The following SLC35F3 variants were observed in gnomAD, a reference collection of about 807,000 sequenced individuals.
SLC35F3 encodes the protein putative thiamine transporter SLC35F3.
In SLC35F3, 25 loss-of-function variants were observed where a neutral mutation model predicts 49.9. The observed-to-expected ratio is 0.50, with a 90% CI of 0.37 to 0.70. The LOEUF (loss-of-function observed/expected upper bound fraction) is 0.70, where lower values mean the gene tolerates loss of function less well. Among genes scored for constraint, SLC35F3 ranks in the 30% least tolerant of loss-of-function variants. SLC35F3 has a pLI of 0.00. For missense variants in SLC35F3, 525 were observed against 639.8 expected, an observed-to-expected ratio of 0.82 and a Z score of 1.94; for synonymous variants, 275 against 265.4, an observed-to-expected ratio of 1.04 and a Z score of -0.35.
rs927006183 is a variant in SLC35F3, at chr1:234,046,619, G to A, written c.283+140861G>A. ...AATATTTATGAATGATTTTACTCAT[G>A]GTTTATACTTTTTCATATATACATA... is the stretch of plus-strand genomic sequence containing the variant. On this transcript the variant is annotated intron_variant, in intron 2 of 7. Transcript: ENST00000366618. The surrounding 1 kb of genome is among the most constrained non-coding windows in gnomAD (Gnocchi z 4.4). Among the ~76,000 whole-genome samples the A allele has an allele frequency of 1.3e-5, 2 of 151,962 alleles. No homozygotes were observed. The highest frequency in any genetic ancestry group is 4.8e-5 in the African/African-American group (2 of 41,384).
At chr1:234,052,885 T>C (rs200454285) in intron 2 of SLC35F3, among the ~76,000 whole-genome samples, 2 of 152,218 alleles carry the variant, frequency 1.3e-5, no homozygotes, top group Non-Finnish European at 2.9e-5. Context: ...CTGCCTTCAT[T>C]TCGTTATGTA....
At chr1:234,232,519 C>CAAAAAAAAAAAAAAAAAAA (rs536692686) in intron 3 of SLC35F3, among the ~76,000 whole-genome samples, 142 of 72,244 alleles carry the variant, frequency 2.0e-3, no homozygotes, top group Non-Finnish European at 2.4e-3. Flanking sequence ...CAGGCCTAGT[C>CAAAAAAAAAAAAAAAAAAA]AAAAAAAAAA....
chr1:234,193,275 C>A (rs964443127), intron 2 of SLC35F3, among the ~76,000 whole-genome samples: 2 of 152,034 alleles, frequency 1.3e-5, no homozygotes, highest in Non-Finnish European at 2.9e-5. Context: ...AATACAGAAC[C>A]CAGAAGTAAA....
intron 3 of SLC35F3, among the ~76,000 whole-genome samples, chr1:234,284,578 G>A (rs1171677990): frequency 5.3e-5 from 8 of 152,208 alleles, no homozygotes; most frequent in Non-Finnish European, 8.8e-5. Context: ...GTTGGAAGAC[G>A]TAAAAGAGAA....
intron 2 of SLC35F3, among the ~76,000 whole-genome samples, chr1:233,941,921 A>G (rs113636882): frequency 1.1e-3 from 166 of 151,736 alleles, no homozygotes; most frequent in African/African-American, 3.6e-3. Context: ...CATCATCTCA[A>G]AAGTTTCCTT....
intron 2 of SLC35F3, among the ~76,000 whole-genome samples, chr1:234,192,804 C>T (rs1666750767): frequency 6.6e-6 from 1 of 152,130 alleles, no homozygotes; most frequent in Non-Finnish European, 1.5e-5. Context: ...CAACAGCGAC[C>T]AAGTTGAGAA....
chr1:234,251,977 C>G (rs990828059), intron 3 of SLC35F3, among the ~76,000 whole-genome samples: 5 of 150,836 alleles, frequency 3.3e-5, no homozygotes, highest in African/African-American at 1.2e-4. Flanking sequence ...GAAATCTTAC[C>G]AATACTAGAT....
chr1:234,082,827 A>G (rs887123765), intron 2 of SLC35F3, among the ~76,000 whole-genome samples: 1 of 152,144 alleles, frequency 6.6e-6, no homozygotes, highest in Admixed American at 6.6e-5. Flanking sequence ...AGTATGGGGG[A>G]AACCGCCCCC....
At chr1:234,126,123 C>T (rs1244289329) in intron 2 of SLC35F3, among the ~76,000 whole-genome samples, 1 of 152,152 alleles carries the variant, frequency 6.6e-6, no homozygotes, top group East Asian at 1.9e-4. Context: ...ATTCTTTATG[C>T]TCAATAAATA....
At chr1:234,206,946 T>A (rs1666979803) in intron 2 of SLC35F3, among the ~76,000 whole-genome samples, 1 of 152,030 alleles carries the variant, frequency 6.6e-6, no homozygotes, top group Non-Finnish European at 1.5e-5. Context: ...TTCCTCCGAC[T>A]CAAGCCCAGC....
intron 2 of SLC35F3, among the ~76,000 whole-genome samples, chr1:233,931,344 A>G (rs1558181938): frequency 6.6e-6 from 1 of 152,240 alleles, no homozygotes; most frequent in East Asian, 1.9e-4. Flanking sequence ...ATCAGAGTGA[A>G]CAGGCAACCT....
intron 2 of SLC35F3, among the ~76,000 whole-genome samples, chr1:234,230,021 G>A (rs975453986): frequency 1.3e-5 from 2 of 152,188 alleles, no homozygotes; most frequent in South Asian, 2.1e-4. Context: ...GAGACATTTG[G>A]TTTTCCAGGG....
intron 2 of SLC35F3, among the ~76,000 whole-genome samples, chr1:234,042,545 C>A (rs1416113662): frequency 6.6e-6 from 1 of 151,858 alleles, no homozygotes; most frequent in Non-Finnish European, 1.5e-5. Context: ...TTGTTTTTTT[C>A]AACATCAGTT....
rs530447111 is a variant in SLC35F3, at chr1:234,231,557, G to C, written c.424G>C (p.Val142Leu). The stretch of plus-strand genomic sequence containing the variant: ...GAAGATCTTCTGGGGCGTGGCGGTC[G>C]TGCTGTGCGTGTGCTCCTCGTGGGC... ...LKKIFWGVAV[V>L]LCVCSSWAGS... The change falls in exon 3 of 8, where the codon GTG (valine) becomes CTG (leucine). Residue 142 changes from valine to leucine, a missense_variant. Physicochemically the swap from Val to Leu is conservative, Grantham distance 32. This residue lies in a region of SLC35F3 where 228 missense variants were observed against 218.9 expected (regional missense o/e 1.04). Coordinates refer to ENST00000366618, the MANE Select transcript of SLC35F3 (RefSeq NM_173508.4). The surrounding 1 kb of genome is among the most constrained non-coding windows in gnomAD (Gnocchi z 5.4). The C allele has an allele frequency of 6.2e-7, 1 of 1,614,156 alleles. No individual in the cohort carries two copies. The highest frequency in any genetic ancestry group is 1.1e-5 in the South Asian group (1 of 91,080).
At chr1:233,966,413 G>A (rs1427173757) in intron 2 of SLC35F3, among the ~76,000 whole-genome samples, 2 of 152,108 alleles carry the variant, frequency 1.3e-5, no homozygotes, top group Non-Finnish European at 2.9e-5. Context: ...CCATCTGGAT[G>A]AGTACACCCC....
intron 3 of SLC35F3, among the ~76,000 whole-genome samples, chr1:234,239,277 G>A (rs1667518088): frequency 6.6e-6 from 1 of 152,192 alleles, no homozygotes; most frequent in African/African-American, 2.4e-5. Context: ...AGATGAGAAG[G>A]AGGGCCCATG....
intron 4 of SLC35F3, among the ~76,000 whole-genome samples, chr1:234,312,126 G>A (rs943874754): frequency 6.6e-6 from 1 of 152,212 alleles, no homozygotes; most frequent in Non-Finnish European, 1.5e-5. Context: ...GCAAAAGCAA[G>A]AGTAGGATGA....
chr1:233,994,743 A>C (rs1413062247), intron 2 of SLC35F3, among the ~76,000 whole-genome samples: 3 of 152,206 alleles, frequency 2.0e-5, no homozygotes, highest in Non-Finnish European at 4.4e-5. Context: ...ACTGGCTCTC[A>C]CATGACTTTG....
intron 2 of SLC35F3, among the ~76,000 whole-genome samples, chr1:234,000,640 A>T (rs1395848567): frequency 6.6e-6 from 1 of 152,252 alleles, no homozygotes; most frequent in Non-Finnish European, 1.5e-5. Flanking sequence ...AAAAACTGGA[A>T]TGGAACAGAA....
Sources: allele counts gnomAD v4.1 joint callset (sites outside exome capture counted in the v4.1 genomes callset), GRCh38; gene constraint gnomAD v4.1.1; regional missense constraint gnomAD v4.1.1; non-coding constraint Gnocchi (gnomAD v3.1); transcripts MANE v1.5; gene names NCBI Gene and HGNC (gene_info 2026-07-23, HGNC 2026-07-21).